Variants in SSH2 observed in about 807,000 individuals in gnomAD.
SSH2 encodes the protein protein phosphatase Slingshot homolog 2.
Under a neutral mutation model 135.2 loss-of-function variants are expected in SSH2, and 37 were observed. The observed-to-expected ratio is 0.27, with a 90% CI of 0.21 to 0.36. The LOEUF is 0.36. Among genes scored for constraint, SSH2 ranks in the 10% least tolerant of loss-of-function variants. The pLI is 1.00. For synonymous variants in SSH2, 628 were observed against 646.2 expected (o/e 0.97, Z 0.43); for missense variants, 1,408 against 1,765.3 (o/e 0.80, Z 3.63).
At chr17:29,666,752 G>A in intron 11 of SSH2, 115 bp downstream of exon 11, 1 of 987,912 alleles carries the variant, frequency 1.0e-6, no homozygotes, top group East Asian at 2.6e-5. Context: ...TATCACTTTT[G>A]TCTTTAAAGT....
At chr17:29,887,886 G>A (rs1480421970) in intron 1 of SSH2, among the ~76,000 whole-genome samples, 1 of 152,110 alleles carries the variant, frequency 6.6e-6, no homozygotes. Context: ...AAACTAAGAT[G>A]ACCTTACAGA....
intron 12 of SSH2, among the ~76,000 whole-genome samples, chr17:29,655,248 C>T (rs1297046965): frequency 2.0e-5 from 3 of 151,904 alleles, no homozygotes; most frequent in Non-Finnish European, 2.9e-5. Flanking sequence ...GGACTACAGG[C>T]GCCCGCCACC....
intron 14 of SSH2, among the ~76,000 whole-genome samples, 194 bp from the exon 15 acceptor site, chr17:29,636,996 G>C (rs1029095228): frequency 6.6e-6 from 1 of 152,088 alleles, no homozygotes; most frequent in South Asian, 2.1e-4. Flanking sequence ...ATGAGTGTGA[G>C]TTTTTTTTAC....
chr17:29,754,851 G>A (rs1307442675), intron 3 of SSH2, among the ~76,000 whole-genome samples: 1 of 152,032 alleles, frequency 6.6e-6, no homozygotes, highest in South Asian at 2.1e-4. Flanking sequence ...TAAAGACAGG[G>A]TCTCCCTGTG....
chr17:29,638,539 C>T (rs2036013644), intron 14 of SSH2, among the ~76,000 whole-genome samples: 2 of 150,672 alleles, frequency 1.3e-5, no homozygotes, highest in South Asian at 2.1e-4. Flanking sequence ...CACACACACA[C>T]ACACACACAC....
At chr17:29,751,476 C>T (rs1053110964) in intron 3 of SSH2, among the ~76,000 whole-genome samples, 1 of 152,034 alleles carries the variant, frequency 6.6e-6, no homozygotes, top group Non-Finnish European at 1.5e-5. Flanking sequence ...ATAAAATGTT[C>T]AATACAGTAA....
intron 4 of SSH2, among the ~76,000 whole-genome samples, chr17:29,699,006 T>C (rs1342469456): frequency 6.6e-6 from 1 of 152,170 alleles, no homozygotes; most frequent in Non-Finnish European, 1.5e-5. Context: ...CTTATGCGAG[T>C]TGGAAGCTCA....
intron 4 of SSH2, among the ~76,000 whole-genome samples, chr17:29,700,937 G>A (rs974121226): frequency 4.1e-5 from 6 of 147,498 alleles, no homozygotes; most frequent in African/African-American, 1.3e-4. Flanking sequence ...CTACAGGCGC[G>A]CACCACCATG....
chr17:29,722,260 C>T (rs953124613), intron 3 of SSH2, among the ~76,000 whole-genome samples: 3 of 140,660 alleles, frequency 2.1e-5, no homozygotes, highest in South Asian at 2.2e-4. Context: ...GGCAATAGAA[C>T]GGGACATTAT....
At chr17:29,909,358 C>A (rs2066723448) in intron 1 of SSH2, among the ~76,000 whole-genome samples, 1 of 151,792 alleles carries the variant, frequency 6.6e-6, no homozygotes, top group Non-Finnish European at 1.5e-5. Context: ...TTCCACGAGA[C>A]CTAGTTCTAT....
At chr17:29,663,699 A>C (rs1162783064) in intron 11 of SSH2, among the ~76,000 whole-genome samples, 1 of 152,242 alleles carries the variant, frequency 6.6e-6, no homozygotes, top group African/African-American at 2.4e-5. Context: ...GTGCAAAACA[A>C]GTACACAGAT....
At chr17:29,642,883 TCAAA>T (rs1211087725) in intron 14 of SSH2, among the ~76,000 whole-genome samples, 2 of 152,150 alleles carry the variant, frequency 1.3e-5, no homozygotes, top group African/African-American at 2.4e-5. Context: ...GTGAATGCCC[TCAAA>T]CAGAGAGCTG....
At chr17:29,785,065 G>A (rs1180250350) in intron 3 of SSH2, among the ~76,000 whole-genome samples, 1 of 152,064 alleles carries the variant, frequency 6.6e-6, no homozygotes, top group African/African-American at 2.4e-5. Flanking sequence ...CAGATGGTGA[G>A]TAATTTTTTA....
intron 1 of SSH2, among the ~76,000 whole-genome samples, chr17:29,858,691 C>A (rs2065707735): frequency 6.6e-6 from 1 of 151,980 alleles, no homozygotes; most frequent in Admixed American, 6.6e-5. Flanking sequence ...CCAGCCTGAG[C>A]AACATAGCAA....
At chr17:29,850,841 C>T (rs1459349411) in intron 1 of SSH2, among the ~76,000 whole-genome samples, 11 of 152,100 alleles carry the variant, frequency 7.2e-5, no homozygotes, top group Middle Eastern at 3.4e-3. Context: ...AAAAATTAGC[C>T]GGGTGTGGTG....
intron 3 of SSH2, among the ~76,000 whole-genome samples, chr17:29,736,184 TAA>T (rs1187456533): frequency 2.6e-5 from 4 of 152,190 alleles, no homozygotes; most frequent in Admixed American, 6.5e-5. Flanking sequence ...GTACTAGACG[TAA>T]CAGGATTTCA....
chr17:29,928,021 C>T lies in SSH2; in HGVS notation c.63+1917G>A, dbSNP rs74927269. Among the ~76,000 whole-genome samples, 995 of 152,276 alleles carry T rather than the reference C, an allele frequency of 6.5e-3. 6 individuals carry two copies. Among genetic ancestry groups the T allele is most frequent in the African/African-American group, 0.023 (954 of 41,534 alleles). The stretch of plus-strand genomic sequence containing the variant: ...CTTACTGTATACTAATCATTCACTT[C>T]AAGTAAATTAGTATGATGACAACTT... On this transcript the variant is annotated intron_variant, in intron 1 of 15. Transcript: ENST00000540801.
chr17:29,923,749 C>T (rs1389695482), intron 1 of SSH2, among the ~76,000 whole-genome samples: 1 of 151,974 alleles, frequency 6.6e-6, no homozygotes, highest in Non-Finnish European at 1.5e-5. Context: ...ACCTGTAAGC[C>T]TGTAACTTCA....
At chr17:29,698,260 AGATTGTGGT>A (rs1194028051) in intron 4 of SSH2, among the ~76,000 whole-genome samples, 36 of 152,308 alleles carry the variant, frequency 2.4e-4, no homozygotes, top group African/African-American at 7.9e-4. Context: ...TTCTAAAATT[AGATTGTGGT>A]GATGGCTGTA....
Sources: allele counts gnomAD v4.1 joint callset (sites outside exome capture counted in the v4.1 genomes callset), GRCh38; gene constraint gnomAD v4.1.1; transcripts MANE v1.5; gene names NCBI Gene and HGNC (gene_info 2026-07-23, HGNC 2026-07-21).